The following P4HTM variants were observed in gnomAD, a reference collection of about 807,000 sequenced individuals.
P4HTM encodes the protein prolyl 4-hydroxylase, transmembrane.
In P4HTM, 33 loss-of-function variants were observed where a neutral mutation model predicts 55.3. The ratio of observed to expected loss-of-function variants is 0.60; its 90% CI spans 0.45 to 0.80. P4HTM has a LOEUF of 0.80. Among genes scored for constraint, P4HTM ranks in the 30% least tolerant of loss-of-function variants. P4HTM has a pLI of 0.00. For missense variants in P4HTM, 542 were observed against 696.5 expected (o/e 0.78, Z 2.50); for synonymous variants, 272 against 286.4 (o/e 0.95, Z 0.51).
At position 49,006,703 on chromosome 3, in the gene P4HTM, AGAC is replaced by A. The variant is rs2092983837; in HGVS notation, c.1309_1311del (p.Asp437del). 1 of 1,613,640 alleles carries A rather than the reference AGAC, an allele frequency of 6.2e-7. No homozygotes were observed. Among genetic ancestry groups the A allele is most frequent in the Non-Finnish European group, 8.5e-7 (1 of 1,180,006 alleles). On this transcript the variant is annotated inframe_deletion, in exon 9 of 9. Coordinates refer to ENST00000383729, the MANE Select transcript of P4HTM (RefSeq NM_177939.3). ...CTCTTCTAGGTTGGGTGGGTGACGT[AGAC>A]GACTACTCGCTGCACGGGGGCTGCC... is the stretch of plus-strand genomic sequence containing the variant.
chr3:49,005,293 C>G (rs1312585728), intron 6 of P4HTM: 4 of 1,443,464 alleles, frequency 2.8e-6, no homozygotes, highest in Middle Eastern at 1.8e-4. Context: ...CCAAAACTTG[C>G]CCCCTGAGTT....
chr3:48,992,954 A>G (rs2092935055), intron 2 of P4HTM, among the ~76,000 whole-genome samples: 1 of 151,944 alleles, frequency 6.6e-6, no homozygotes, highest in African/African-American at 2.4e-5. Context: ...GGTGTGAACC[A>G]CCATGCCTGG....
rs1309707411 is a variant in P4HTM, at chr3:48,990,940, A to G, written c.436+26A>G. 2 of 1,595,628 alleles carry G rather than the reference A, an allele frequency of 1.3e-6. No homozygotes were observed. Among genetic ancestry groups the G allele is most frequent in the East Asian group, 4.5e-5 (2 of 44,676 alleles). ...GTAAGTCCGCCAGATACTCCTGGGAAGGGCCAGGGGCTGCGGTTTGGTGGC... is the reference window on the plus strand; with the variant it reads ...GTAAGTCCGCCAGATACTCCTGGGAGGGGCCAGGGGCTGCGGTTTGGTGGC... On this transcript the variant is annotated intron_variant, in intron 2 of 8. Transcript: ENST00000383729. The surrounding 1 kb of genome is among the most constrained non-coding windows in gnomAD (Gnocchi z 7.2).
Position 49,006,836 on chromosome 3 carries a change from G to A in P4HTM, c.1438G>A (p.Glu480Lys), listed in dbSNP as rs1191395894. 18 of 1,613,294 alleles carry A rather than the reference G, an allele frequency of 1.1e-5. No individual in the cohort carries two copies. Among genetic ancestry groups the A allele is most frequent in the Non-Finnish European group, 1.5e-5 (18 of 1,180,020 alleles). The stretch of plus-strand genomic sequence containing the variant: ...ACAGGAGATGGCCCGCCTTGCCCGA[G>A]AAGGGGGCACCGACTCACAGCCCGA... ...FQQEMARLAR[E>K]GGTDSQPEWA... The change falls in exon 9 of 9, where the codon GAA (glutamate) becomes AAA (lysine). Residue 480 changes from glutamate to lysine, a missense_variant. Around this residue, in one of 2 missense-constraint regions of P4HTM, gnomAD observed 536 missense variants for 672.1 expected, o/e 0.80. Coordinates refer to ENST00000383729, the MANE Select transcript of P4HTM (RefSeq NM_177939.3).
At position 48,993,301 on chromosome 3, in the gene P4HTM, CAA is replaced by C. The variant is rs11312212; in HGVS notation, c.436+2404_436+2405del. Among the ~76,000 whole-genome samples, 717 of 122,820 alleles carry C rather than the reference CAA, an allele frequency of 5.8e-3. 5 individuals are homozygous for C. The highest frequency in any genetic ancestry group is 0.013 in the African/African-American group (410 of 32,538). 80.6% of individuals were successfully genotyped at this position (122,820 alleles called of 152,430 possible). On this transcript the variant is annotated intron_variant, in intron 2 of 8. Transcript: ENST00000383729. ...GGGTAACAAGAATGAAACTCCATCT[CAA>C]AAAAAAAAAAAAAAAATCTGAGCAA...
chr3:49,005,496 G>A, intron 6 of P4HTM: 1 of 1,337,732 alleles, frequency 7.5e-7, no homozygotes, highest in Non-Finnish European at 9.5e-7. Context: ...TGTTGCTTCT[G>A]CTAGCCTACC....
At position 48,990,310 on chromosome 3, in the gene P4HTM, G is replaced by C. The variant is rs2092926613; in HGVS notation, c.54G>C (p.Glu18Asp). ...GGCCTGAGACCGCGGCGGCCGAGGA[G>C]GCCTCGAGGCCGCAGTGGGCGCCGC... ...GQRPETAAAEEASRPQWAPPD... is the reference protein window; with the variant it reads ...GQRPETAAAEDASRPQWAPPD... The change falls in exon 1 of 9, where the codon GAG becomes GAC. Residue 18 changes from glutamate to aspartate, a missense_variant. By Grantham distance (45) the Glu-to-Asp change is conservative. Coordinates refer to ENST00000383729, the MANE Select transcript of P4HTM (RefSeq NM_177939.3). The surrounding 1 kb of genome is among the most constrained non-coding windows in gnomAD (Gnocchi z 7.2). 5.8e-6 allele frequency: 8 copies of C among 1,377,668 alleles called. No individual in the cohort carries two copies. In the East Asian group the frequency reaches 2.1e-4, roughly 37 times the overall value. 85.3% of individuals were successfully genotyped at this position (1,377,668 alleles called of 1,614,324 possible).
intron 2 of P4HTM, chr3:49,001,026 A>C (rs1210658705): frequency 2.1e-5 from 6 of 283,476 alleles, no homozygotes; most frequent in Non-Finnish European, 4.2e-5. Context: ...AATGCTGAAA[A>C]GTTAAAATGA....
At position 48,990,473 on chromosome 3, in the gene P4HTM, G is replaced by A; in HGVS notation, c.217G>A (p.Gly73Ser). Residue 73 changes from glycine to serine, a missense_variant, in exon 1 of 9, where the codon GGT becomes AGT. By Grantham distance (56) the Gly-to-Ser change is moderately conservative (BLOSUM62 0). Transcript: ENST00000383729. The surrounding 1 kb of genome is among the most constrained non-coding windows in gnomAD (Gnocchi z 7.2). ...VLMVFVHLYLGNVLALLLFVH... is the reference protein window; with the variant it reads ...VLMVFVHLYLSNVLALLLFVH... ...GATGGTGTTCGTGCACCTGTACCTG[G>A]GTAACGTGCTGGCGCTGCTGCTCTT... The A allele has an allele frequency of 3.7e-6, 6 of 1,611,306 alleles. No individual in the cohort carries two copies. Among genetic ancestry groups the A allele is most frequent in the Non-Finnish European group, 5.1e-6 (6 of 1,179,446 alleles).
chr3:49,005,261 C>G, intron 6 of P4HTM: 1 of 1,488,102 alleles, frequency 6.7e-7, no homozygotes, highest in Non-Finnish European at 8.9e-7. Flanking sequence ...GGAGTCAACA[C>G]AGACTGATGT....
chr3:49,006,970 TG>T lies in P4HTM; in HGVS notation c.*64del. The T allele has an allele frequency of 4.6e-6, 6 of 1,301,570 alleles. No individual in the cohort carries two copies. The highest frequency in any genetic ancestry group is 6.4e-6 in the Non-Finnish European group (6 of 930,322). 80.6% of individuals were successfully genotyped at this position (1,301,570 alleles called of 1,614,324 possible). On this transcript the variant is annotated 3_prime_UTR_variant, in exon 9 of 9. Transcript: ENST00000383729. Reference sequence around the variant, plus strand: ...AGTTGCCCAAGATCAGGGGTCCGGCTGTCCTTCTGTCCTGCTGCAGACTAAA... The same window carrying T: ...AGTTGCCCAAGATCAGGGGTCCGGCTTCCTTCTGTCCTGCTGCAGACTAAA...
chr3:48,999,342 G>A lies in P4HTM; in HGVS notation c.437-2096G>A, dbSNP rs1489096899. On this transcript the variant is annotated intron_variant, in intron 2 of 8. Coordinates refer to ENST00000383729, the MANE Select transcript of P4HTM (RefSeq NM_177939.3). The surrounding 1 kb of genome is among the most constrained non-coding windows in gnomAD (Gnocchi z 4.8). The stretch of plus-strand genomic sequence containing the variant: ...AGGAGCAGCCAGCTGACCAACTGCT[G>A]GATGGCCTCAGCTGCTGTGATGTGG... 6.5e-6 allele frequency: 1 copy of A among 154,718 alleles called. No homozygotes were observed. The highest frequency in any genetic ancestry group is 2.4e-5 in the African/African-American group (1 of 41,466). 9.6% of individuals were successfully genotyped at this position (154,718 alleles called of 1,614,324 possible).
rs1457367834 is a variant in P4HTM at position 49,006,172 on chromosome 3, C to T, written c.1273C>T (p.Leu425=). The part of the protein sequence containing the change: ...QGTAVFWYNY[L]PDGQGWVGDV... Reference sequence around the variant, plus strand: ...CACAGCAGTCTTCTGGTACAACTACCTGCCTGATGGGCAAGGTGAGGGCCT... The same window carrying T: ...CACAGCAGTCTTCTGGTACAACTACTTGCCTGATGGGCAAGGTGAGGGCCT... The change falls in exon 8 of 9, where the codon CTG becomes TTG. Residue 425 remains leucine, a synonymous_variant. Transcript: ENST00000383729. 1 of 1,612,458 alleles carries T rather than the reference C, an allele frequency of 6.2e-7. No homozygotes were observed. The highest frequency in any genetic ancestry group is 1.7e-5 in the Admixed American group (1 of 60,018).
intron 2 of P4HTM, chr3:49,001,187 C>A: frequency 1.9e-6 from 1 of 534,466 alleles, no homozygotes; most frequent in Non-Finnish European, 3.4e-6. Flanking sequence ...TGGCTCACCT[C>A]CCAGGGCTCT....
At chr3:49,001,711 A>G in intron 3 of P4HTM, 83 bp downstream of exon 3, 1 of 1,260,908 alleles carries the variant, frequency 7.9e-7, no homozygotes, top group Non-Finnish European at 1.1e-6. Flanking sequence ...TGTCCAGCCC[A>G]GGCCTGGTCC....
rs774249985 is a variant in P4HTM, at chr3:49,004,912, G to A, written c.939G>A (p.Pro313=). ...CTGAGATCGTGGAGCTCAGCGAGCC[G>A]CTGCAGGTTGTTCGATATGGTGAGG... ...LSPEIVELSE[P]LQVVRYGEGG... Residue 313 remains proline, a synonymous_variant, in exon 6 of 9, where the codon CCG becomes CCA. Transcript: ENST00000383729. The A allele has an allele frequency of 5.4e-5, 87 of 1,613,324 alleles. No homozygotes were observed. The highest frequency in any genetic ancestry group is 1.7e-5 in the Non-Finnish European group (20 of 1,179,980).
rs955494046 is a variant in P4HTM, at chr3:48,990,727, G to A, written c.355-106G>A. The A allele has an allele frequency of 3.4e-6, 5 of 1,478,718 alleles. No homozygotes were observed. The highest frequency in any genetic ancestry group is 4.1e-5 in the Admixed American group (2 of 48,886). 91.6% of individuals were successfully genotyped at this position (1,478,718 alleles called of 1,614,324 possible). A position where few individuals can be genotyped will look rare whatever the true frequency, so the allele number is the denominator to read the frequency against. ...GCGCTGCTCTGCGTCGGTCCCGCGC[G>A]CTCCCACTCACTCGCCTGCTGTCGC... is the stretch of plus-strand genomic sequence containing the variant. On this transcript the variant is annotated intron_variant, in intron 1 of 8. Transcript: ENST00000383729. This position sits in a 1 kb window ranked among gnomAD's most constrained non-coding sequence, Gnocchi z 7.2.
chr3:48,995,537 A>G (rs2106649635), intron 2 of P4HTM, among the ~76,000 whole-genome samples: 1 of 151,710 alleles, frequency 6.6e-6, no homozygotes, highest in Non-Finnish European at 1.5e-5. Context: ...AAGAGGACTG[A>G]TTTGTCTCAG....
intron 2 of P4HTM, 174 bp from the exon 3 acceptor site, chr3:49,001,264 G>T: frequency 1.5e-6 from 1 of 656,850 alleles, no homozygotes; most frequent in Admixed American, 2.2e-5. Context: ...AGCCTTTGCA[G>T]GACAACTCAA....
Sources: gnomAD v4.1 joint callset for allele counts (sites outside exome capture counted in the v4.1 genomes callset) on GRCh38, gnomAD v4.1.1 for gene constraint, gnomAD v4.1.1 regional missense constraint, Gnocchi (gnomAD v3.1) non-coding constraint, MANE v1.5 for transcripts, NCBI Gene and HGNC (gene_info 2026-07-23, HGNC 2026-07-21) for gene names.